Variants in TPTE2 observed in about 807,000 individuals in gnomAD.
TPTE2 encodes phosphatidylinositol 3,4,5-trisphosphate 3-phosphatase TPTE2.
A neutral mutation model predicts 78.6 loss-of-function variants in TPTE2; 53 were observed. The observed-to-expected ratio is 0.67, with a 90% CI of 0.54 to 0.85. TPTE2 has a LOEUF of 0.85. TPTE2 is among the 40% of genes least tolerant of loss of function. The probability of loss-of-function intolerance (pLI) is 0.00; values close to 1 mark genes in which losing one functional copy is unlikely to be tolerated. For missense variants in TPTE2, 461 were observed against 623.0 expected (o/e 0.74, Z 2.77); for synonymous variants, 175 against 206.2 (o/e 0.85, Z 1.30).
At chr13:19,519,686 T>C (rs1047678607) in intron 1 of TPTE2, among the ~76,000 whole-genome samples, 1 of 152,212 alleles carries the variant, frequency 6.6e-6, no homozygotes, top group Non-Finnish European at 1.5e-5. Context: ...TATAGCTTTA[T>C]AGTAAGTTTT....
At chr13:19,475,496 G>A (rs966362120) in intron 5 of TPTE2, 77 bp downstream of exon 8, 80 of 1,539,592 alleles carry the variant, frequency 5.2e-5, no homozygotes, top group Non-Finnish European at 7.0e-5. Context: ...AGAGTGCTGG[G>A]ATTACAGGCG....
At chr13:19,469,383 T>C (rs1295595779) in intron 6 of TPTE2, among the ~76,000 whole-genome samples, 1 of 152,202 alleles carries the variant, frequency 6.6e-6, no homozygotes, top group African/African-American at 2.4e-5. Context: ...CAGTGGTCTA[T>C]GTGTCTGTTT....
chr13:19,485,302 T>A (rs138037550), intron 3 of TPTE2, among the ~76,000 whole-genome samples: 3,704 of 152,276 alleles, frequency 0.024, 66 homozygotes, highest in Middle Eastern at 0.051. Context: ...CTTCTTCATT[T>A]GTAAAGGATA....
chr13:19,470,887 T>TTTTTTTTATTTA (rs1555251966), intron 6 of TPTE2, among the ~76,000 whole-genome samples: 3 of 139,634 alleles, frequency 2.1e-5, no homozygotes, highest in South Asian at 2.4e-4. Context: ...GATCTTTTTA[T>TTTTTTTTATTTA]TTTATTTATT....
chr13:19,524,870 G>A (rs1250978864), intron 1 of TPTE2, among the ~76,000 whole-genome samples: 2 of 152,160 alleles, frequency 1.3e-5, no homozygotes, highest in Admixed American at 1.3e-4. Flanking sequence ...AGGGACTTCA[G>A]GGGAAATTAT....
chr13:19,500,222 C>CA lies in TPTE2; in HGVS notation c.11+3001dup, dbSNP rs1868402258. 4.7e-5 allele frequency among the ~76,000 whole-genome samples: 7 copies of CA among 149,564 alleles called. No individual in the cohort carries two copies. In the South Asian group the frequency reaches 1.5e-3, roughly 32 times the overall value. ...TCACAGCTGAATTCTACCAGAGGTACAAGGAGGAACTGGTACCATTCCTTC... is the reference window on the plus strand; with the variant it reads ...TCACAGCTGAATTCTACCAGAGGTACAAAGGAGGAACTGGTACCATTCCTTC... On this transcript the variant is annotated intron_variant, in intron 1 of 19. Coordinates refer to ENST00000400230, the Ensembl canonical transcript of TPTE2.
chr13:19,525,298 T>C (rs759841401), intron 1 of TPTE2, among the ~76,000 whole-genome samples: 2 of 152,032 alleles, frequency 1.3e-5, no homozygotes, highest in African/African-American at 2.4e-5. Flanking sequence ...CTTCAAACCA[T>C]CTACAAGGCT....
chr13:19,445,505 T>C (rs1362732362), intron 13 of TPTE2, among the ~76,000 whole-genome samples: 2 of 152,160 alleles, frequency 1.3e-5, no homozygotes, highest in African/African-American at 4.8e-5. Flanking sequence ...GGAGTAAAAA[T>C]TGGTACAACT....
chr13:19,504,671 G>T (rs1271915189), upstream of TPTE2, among the ~76,000 whole-genome samples: 2 of 151,886 alleles, frequency 1.3e-5, no homozygotes, highest in East Asian at 3.9e-4. Flanking sequence ...TCCCTTTTTT[G>T]CCCTGTTCCT....
At chr13:19,430,325 G>A (rs937729283) in intron 17 of TPTE2, 143 bp downstream of exon 20, 1 of 665,222 alleles carries the variant, frequency 1.5e-6, no homozygotes, top group Non-Finnish European at 2.6e-6. Context: ...TCCAAACCCA[G>A]TGACACCAAG....
Position 19,445,344 on chromosome 13 carries a change from A to G in TPTE2, c.973+4732T>C, listed in dbSNP as rs146239539. Among the ~76,000 whole-genome samples, 291 of 152,298 alleles carry G rather than the reference A, an allele frequency of 1.9e-3. 2 individuals are homozygous for G. The highest frequency in any genetic ancestry group is 6.5e-3 in the African/African-American group (271 of 41,562). Reference sequence around the variant, plus strand: ...GATATCCAAATACTTAATAATCTTAAAAAAACTTCCTCAAACTTATTAGTA... The same window carrying G: ...GATATCCAAATACTTAATAATCTTAGAAAAACTTCCTCAAACTTATTAGTA... On this transcript the variant is annotated intron_variant, in intron 13 of 19. Coordinates refer to ENST00000400230, the Ensembl canonical transcript of TPTE2.
At chr13:19,440,218 A>C (rs1208188259) in intron 13 of TPTE2, among the ~76,000 whole-genome samples, 1 of 152,170 alleles carries the variant, frequency 6.6e-6, no homozygotes, top group African/African-American at 2.4e-5. Flanking sequence ...CAGATCACAC[A>C]CAAAGGTAGC....
rs571038430 is a variant in TPTE2, at chr13:19,498,713, A to G, written c.11+4511T>C. ...AAAATCATGCCAAAACGTAAAGACC[A>G]TCGAGACTAGGAAGAAACTGCATCA... On this transcript the variant is annotated intron_variant, in intron 1 of 19. Transcript: ENST00000400230. Among the ~76,000 whole-genome samples the G allele has an allele frequency of 1.4e-3, 213 of 152,282 alleles. 1 individual carries two copies. Among genetic ancestry groups the G allele is most frequent in the African/African-American group, 5.0e-3 (206 of 41,546 alleles).
At chr13:19,512,583 A>AAT (rs1555255675) in intron 1 of TPTE2, among the ~76,000 whole-genome samples, 1 of 148,082 alleles carries the variant, frequency 6.8e-6, no homozygotes, top group Non-Finnish European at 1.5e-5. Flanking sequence ...CACAGGAAAC[A>AAT]TTTTTTTTTT....
chr13:19,504,600 A>C (rs956077419), upstream of TPTE2, among the ~76,000 whole-genome samples: 43 of 152,068 alleles, frequency 2.8e-4, no homozygotes, highest in Admixed American at 6.6e-5. Context: ...CATACACAGG[A>C]AATCTGACTT....
intron 15 of TPTE2, among the ~76,000 whole-genome samples, chr13:19,434,079 A>G (rs1718021928): frequency 6.6e-6 from 1 of 152,198 alleles, no homozygotes; most frequent in Non-Finnish European, 1.5e-5. Flanking sequence ...AATTAATACA[A>G]CCAACACATA....
At chr13:19,450,539 G>A (rs2137529804) in intron 11 of TPTE2, among the ~76,000 whole-genome samples, 195 bp from the exon 15 acceptor site, 1 of 152,262 alleles carries the variant, frequency 6.6e-6, no homozygotes, top group South Asian at 2.1e-4. Flanking sequence ...TCCATCTCAT[G>A]TAACCTAAAC....
chr13:19,443,609 G>A (rs561578141), intron 13 of TPTE2, among the ~76,000 whole-genome samples: 180 of 152,112 alleles, frequency 1.2e-3, no homozygotes, highest in Non-Finnish European at 1.5e-3. Context: ...TCACCATGTT[G>A]CCTAGGCTGG....
At chr13:19,500,070 G>A (rs1239082381) in intron 1 of TPTE2, among the ~76,000 whole-genome samples, 268 of 151,404 alleles carry the variant, frequency 1.8e-3, no homozygotes, top group African/African-American at 6.1e-3. Flanking sequence ...TAAATTCCTC[G>A]ACACATACAC....
Sources: gnomAD v4.1 joint callset for allele counts (sites outside exome capture counted in the v4.1 genomes callset) on GRCh38, gnomAD v4.1.1 for gene constraint, MANE v1.5 for transcripts, NCBI Gene and HGNC (gene_info 2026-07-23, HGNC 2026-07-21) for gene names.